NRG3: variants seen among roughly 807,000 people sequenced by gnomAD.
NRG3 encodes pro-neuregulin-3, membrane-bound isoform.
NRG3 carries 31 observed loss-of-function variants against 66.9 expected under a neutral mutation model. The observed-to-expected ratio is 0.46, with a 90% CI of 0.35 to 0.63. NRG3 has a LOEUF of 0.63. NRG3 is among the 20% of genes least tolerant of loss of function. The pLI, the probability that NRG3 is intolerant of heterozygous loss-of-function variation, is 0.00. For synonymous variants in NRG3, 393 were observed against 359.4 expected, an observed-to-expected ratio of 1.09 and a Z score of -1.06; for missense variants, 910 against 878.9, an observed-to-expected ratio of 1.04 and a Z score of -0.45.
At chr10:82,686,176 TC>T (rs1303632074) in intron 2 of NRG3, among the ~76,000 whole-genome samples, 1 of 30,316 alleles carries the variant, frequency 3.3e-5, no homozygotes, top group African/African-American at 9.2e-5. Context: ...TGCTATGCTT[TC>T]TTTTTTTTTT....
chr10:82,844,187 G>A lies in NRG3; in HGVS notation c.1028-21224G>A, dbSNP rs752042738. ...CTAGCTAGCTAATATGTTCTGGTGAGTGACTCCTTTTATGGGCCTCGTTTA... is the reference window on the plus strand; with the variant it reads ...CTAGCTAGCTAATATGTTCTGGTGAATGACTCCTTTTATGGGCCTCGTTTA... On this transcript the variant is annotated intron_variant, in intron 3 of 8. Coordinates refer to ENST00000372141, the MANE Select transcript of NRG3 (RefSeq NM_001010848.4). 2.0e-5 allele frequency among the ~76,000 whole-genome samples: 3 copies of A among 152,296 alleles called. No individual in the cohort carries two copies. The South Asian group carries it at 6.2e-4, about 32-fold the overall frequency.
chr10:82,720,535 T>C (rs575740409), intron 2 of NRG3, among the ~76,000 whole-genome samples: 5 of 152,176 alleles, frequency 3.3e-5, no homozygotes, highest in East Asian at 3.9e-4. Context: ...CTTTAACATA[T>C]GCTTTTCATG....
chr10:82,418,680 A>C (rs1422708520), intron 2 of NRG3, among the ~76,000 whole-genome samples: 1 of 152,146 alleles, frequency 6.6e-6, no homozygotes. Context: ...AGCTTACTGT[A>C]GCCTCAAATT....
At chr10:82,779,107 C>T (rs1198871128) in intron 3 of NRG3, among the ~76,000 whole-genome samples, 1 of 152,088 alleles carries the variant, frequency 6.6e-6, no homozygotes, top group Non-Finnish European at 1.5e-5. Context: ...TGCACAGTAG[C>T]AGCACGGACC....
chr10:82,769,604 A>G (rs2059640082), intron 3 of NRG3, among the ~76,000 whole-genome samples: 1 of 152,230 alleles, frequency 6.6e-6, no homozygotes, highest in African/African-American at 2.4e-5. Context: ...GATTTTAACA[A>G]ATAACTATTC....
intron 4 of NRG3, among the ~76,000 whole-genome samples, chr10:82,899,381 C>T (rs1408604054): frequency 1.3e-5 from 2 of 152,006 alleles, no homozygotes; most frequent in African/African-American, 4.8e-5. Context: ...CTGTACTTAA[C>T]AGTATGAACA....
At chr10:81,976,631 T>C (rs2133417223) in intron 1 of NRG3, among the ~76,000 whole-genome samples, 1 of 152,280 alleles carries the variant, frequency 6.6e-6, no homozygotes, top group South Asian at 2.1e-4. Flanking sequence ...CAAGGGATAA[T>C]TTTAGTGCAG....
At chr10:82,177,077 C>T (rs1176636963) in intron 1 of NRG3, among the ~76,000 whole-genome samples, 5 of 151,894 alleles carry the variant, frequency 3.3e-5, no homozygotes, top group Non-Finnish European at 7.4e-5. Flanking sequence ...TCTACCTCTC[C>T]GGGTTGTGAA....
At chr10:82,227,297 T>C (rs575985283) in intron 1 of NRG3, among the ~76,000 whole-genome samples, 55 of 152,264 alleles carry the variant, frequency 3.6e-4, no homozygotes, top group African/African-American at 1.3e-3. Context: ...ACTGTGGCTG[T>C]TGGGCTTTCT....
chr10:82,728,782 A>C (rs2057746182), intron 2 of NRG3, among the ~76,000 whole-genome samples: 1 of 152,192 alleles, frequency 6.6e-6, no homozygotes, highest in African/African-American at 2.4e-5. Flanking sequence ...TCAGAACAAT[A>C]AAGAGAAATC....
chr10:82,846,070 G>A (rs1157837496), intron 3 of NRG3, among the ~76,000 whole-genome samples: 2 of 152,182 alleles, frequency 1.3e-5, no homozygotes, highest in African/African-American at 4.8e-5. Context: ...CCGGAGAGAT[G>A]AATGTCCTCC....
At chr10:82,113,375 G>A (rs4933830) in intron 1 of NRG3, among the ~76,000 whole-genome samples, 119,069 of 152,126 alleles carry the variant, frequency 0.78, 46,760 homozygotes, top group South Asian at 0.85. Context: ...GTGCCACCAC[G>A]TAGCTTTTCG....
intron 1 of NRG3, among the ~76,000 whole-genome samples, chr10:82,051,351 C>T (rs1057467474): frequency 6.6e-6 from 1 of 152,076 alleles, no homozygotes; most frequent in African/African-American, 2.4e-5. Flanking sequence ...TGTTAGGGAC[C>T]TCCATGGGCC....
chr10:82,454,637 A>C (rs1407685127), intron 2 of NRG3, among the ~76,000 whole-genome samples: 5 of 152,222 alleles, frequency 3.3e-5, no homozygotes, highest in Non-Finnish European at 5.9e-5. Context: ...TCATCTCAAA[A>C]CACTCAGGAA....
intron 2 of NRG3, among the ~76,000 whole-genome samples, chr10:82,370,726 G>A (rs369237653): frequency 3.0e-4 from 46 of 151,894 alleles, no homozygotes; most frequent in African/African-American, 8.7e-4. Context: ...CTTTTATTTC[G>A]TTACCTATGT....
At chr10:82,562,570 A>T (rs1199208066) in intron 2 of NRG3, among the ~76,000 whole-genome samples, 2 of 152,212 alleles carry the variant, frequency 1.3e-5, no homozygotes, top group Non-Finnish European at 2.9e-5. Context: ...TGTCATTTGC[A>T]GATAGTCACT....
intron 4 of NRG3, among the ~76,000 whole-genome samples, chr10:82,935,246 AAC>A (rs1293432819): frequency 2.0e-5 from 3 of 152,320 alleles, no homozygotes; most frequent in African/African-American, 7.2e-5. Context: ...AATGGGGAAG[AAC>A]GAGATCGTCT....
At chr10:82,934,313 G>T in intron 4 of NRG3, among the ~76,000 whole-genome samples, 1 of 151,104 alleles carries the variant, frequency 6.6e-6, no homozygotes, top group East Asian at 1.9e-4. Context: ...ATAATTGGAG[G>T]TTGTCTACAT....
rs560212966 is a variant in NRG3 at position 82,431,377 on chromosome 10, A to G, written c.953+72509A>G. On this transcript the variant is annotated intron_variant, in intron 2 of 8. Coordinates refer to ENST00000372141, the MANE Select transcript of NRG3 (RefSeq NM_001010848.4). ...TTTGAGTTTGCTAATTTTTAAGTCT[A>G]TGGAACTAAGGTGAGAGGAATGAGA... 4.4e-4 allele frequency among the ~76,000 whole-genome samples: 67 copies of G among 152,298 alleles called. 1 individual carries two copies. Among genetic ancestry groups the G allele is most frequent in the African/African-American group, 1.6e-3 (66 of 41,578 alleles).
Sources: gnomAD v4.1 joint callset for allele counts (sites outside exome capture counted in the v4.1 genomes callset) on GRCh38, gnomAD v4.1.1 for gene constraint, MANE v1.5 for transcripts, NCBI Gene and HGNC (gene_info 2026-07-23, HGNC 2026-07-21) for gene names.